Variants in MDM1 observed in about 807,000 individuals in gnomAD.
MDM1 encodes the protein Mdm1 nuclear protein.
In MDM1, 61 loss-of-function variants were observed where a neutral mutation model predicts 89.1. The ratio of observed to expected loss-of-function variants is 0.68; its 90% CI spans 0.56 to 0.85. MDM1 has a LOEUF of 0.85. Among genes scored for constraint, MDM1 ranks in the 40% least tolerant of loss-of-function variants. The pLI, the probability that MDM1 is intolerant of heterozygous loss-of-function variation, is 0.00. For missense variants in MDM1, 820 were observed against 846.5 expected (o/e 0.97, Z 0.39); for synonymous variants, 290 against 294.1 (o/e 0.99, Z 0.14).
At chr12:68,308,750 T>C (rs1873272038) in intron 12 of MDM1, among the ~76,000 whole-genome samples, 1 of 152,212 alleles carries the variant, frequency 6.6e-6, no homozygotes. Context: ...GCCTATTAAA[T>C]ATTGAATTGA....
At chr12:68,322,137 A>G (rs1040584982) in intron 5 of MDM1, among the ~76,000 whole-genome samples, 2 of 152,146 alleles carry the variant, frequency 1.3e-5, no homozygotes, top group African/African-American at 4.8e-5. Context: ...TATTTTTAGG[A>G]CCATAAAGTA....
chr12:68,316,452 T>C (rs1874521800), intron 8 of MDM1, 129 bp downstream of exon 8: 1 of 961,716 alleles, frequency 1.0e-6, no homozygotes. Context: ...GCAGTTATTT[T>C]ATTTCAGACC....
intron 13 of MDM1, among the ~76,000 whole-genome samples, chr12:68,301,508 G>C (rs528911913): frequency 6.6e-6 from 1 of 152,164 alleles, no homozygotes; most frequent in African/African-American, 2.4e-5. Flanking sequence ...TACACTGCTT[G>C]GGTAACAGGT....
rs773533782 is a variant in MDM1, at chr12:68,323,168, T to C, written c.706A>G (p.Arg236Gly). 3.7e-6 allele frequency: 6 copies of C among 1,610,824 alleles called. No individual in the cohort carries two copies. The highest frequency in any genetic ancestry group is 5.1e-6 in the Non-Finnish European group (6 of 1,178,972). Residue 236 changes from arginine to glycine, a missense_variant, in exon 5 of 15, where the codon AGA becomes GGA. Arg to Gly is a moderately radical substitution (Grantham distance 125). Transcript: ENST00000682720. ...NSVIHETEYK[R>G]NFKGLSPVKE... ...ACTGGAGATAAACCCTTGAAATTTC[T>C]TTTGTATTCAGTTTCATGGATGACT...
At chr12:68,325,794 T>C in intron 3 of MDM1, 1 of 1,184,984 alleles carries the variant, frequency 8.4e-7, no homozygotes, top group Non-Finnish European at 1.0e-6. Flanking sequence ...AAAATTCCTT[T>C]CTATCAAAGG....
chr12:68,318,429 A>C (rs990908060), intron 7 of MDM1, among the ~76,000 whole-genome samples: 2 of 152,216 alleles, frequency 1.3e-5, no homozygotes, highest in African/African-American at 2.4e-5. Flanking sequence ...CTTCATAAAA[A>C]TTCTGAAGAC....
rs574189071 is a variant in MDM1 at position 68,308,422 on chromosome 12, G to A, written c.1749+5021C>T. Among the ~76,000 whole-genome samples the A allele has an allele frequency of 2.3e-4, 35 of 152,164 alleles. No individual in the cohort carries two copies. The East Asian group carries it at 3.3e-3, about 14-fold the overall frequency. The stretch of plus-strand genomic sequence containing the variant: ...ATTACAGGCATGAGCCACTGCGCCC[G>A]GCCCCTGTTCTTTCTAATTGGAAAA... On this transcript the variant is annotated intron_variant, in intron 12 of 14. Coordinates refer to ENST00000682720, the MANE Select transcript of MDM1 (RefSeq NM_001354969.2).
At chr12:68,327,048 T>C in intron 2 of MDM1, 27 bp from the exon 3 acceptor site, 2 of 1,541,982 alleles carry the variant, frequency 1.3e-6, no homozygotes, top group Non-Finnish European at 8.7e-7. Context: ...ACAAAAATAG[T>C]AGCTACTAAA....
chr12:68,305,026 TTTTC>T lies in MDM1; in HGVS notation c.1750-2158_1750-2155del, dbSNP rs1592951287. 2.0e-5 allele frequency among the ~76,000 whole-genome samples: 3 copies of T among 152,212 alleles called. No individual in the cohort carries two copies. The East Asian group carries it at 5.8e-4, about 29-fold the overall frequency. On this transcript the variant is annotated intron_variant, in intron 12 of 14. Transcript: ENST00000682720. ...CTTCATCAGGAATATTGGTCTACAG[TTTTC>T]TTTTTTTGTTGTTGTGTCCTTGCCA...
At chr12:68,321,502 T>C (rs760824047) in intron 6 of MDM1, 23 bp downstream of exon 6, 51 of 1,608,512 alleles carry the variant, frequency 3.2e-5, no homozygotes, top group Middle Eastern at 1.7e-4. Context: ...TGAAATACCA[T>C]ATTTTCCTAT....
intron 1 of MDM1, 68 bp downstream of exon 1, chr12:68,332,160 C>T: frequency 6.6e-7 from 1 of 1,504,722 alleles, no homozygotes; most frequent in South Asian, 1.3e-5. Context: ...AGCGTGACCT[C>T]GGCGCTCCAC....
chr12:68,326,603 G>T (rs1876017704), intron 3 of MDM1, 54 bp downstream of exon 3: 2 of 1,613,864 alleles, frequency 1.2e-6, no homozygotes, highest in South Asian at 2.2e-5. Context: ...AAATGACAAT[G>T]AAACCAATGA....
chr12:68,326,126 G>A, intron 3 of MDM1: 1 of 1,011,752 alleles, frequency 9.9e-7, no homozygotes, highest in Non-Finnish European at 1.2e-6. Context: ...CCCCACACAA[G>A]TTCCTGCAGC....
intron 7 of MDM1, among the ~76,000 whole-genome samples, chr12:68,319,100 A>G (rs1874880621): frequency 1.3e-5 from 2 of 152,234 alleles, no homozygotes; most frequent in Non-Finnish European, 2.9e-5. Flanking sequence ...ACAATTAAGA[A>G]AAAAAGAAGT....
intron 12 of MDM1, among the ~76,000 whole-genome samples, chr12:68,311,469 C>T (rs1274760255): frequency 1.3e-5 from 2 of 152,154 alleles, no homozygotes; most frequent in Non-Finnish European, 2.9e-5. Context: ...AGAGGTCTTC[C>T]AAAAGCTGCC....
chr12:68,316,220 T>C lies in MDM1; in HGVS notation c.1069A>G (p.Arg357Gly). Residue 357 changes from arginine to glycine, a missense_variant, in exon 9 of 15, where the codon AGG (arginine) becomes GGG (glycine). Transcript: ENST00000682720. ...AAATGCGTCCCCTGAACTCGCTTCC[T>C]ATAAAACTCAGCCTTTTCTCGGAGT... ...KELREKAEFY[R>G]KRVQGTHFSR... The C allele has an allele frequency of 6.2e-7, 1 of 1,614,018 alleles. No individual in the cohort carries two copies. Among genetic ancestry groups the C allele is most frequent in the Admixed American group, 1.7e-5 (1 of 59,998 alleles).
chr12:68,315,990 T>C, intron 9 of MDM1, 88 bp downstream of exon 9: 1 of 1,081,486 alleles, frequency 9.2e-7, no homozygotes, highest in Non-Finnish European at 1.3e-6. Context: ...GAGACACATT[T>C]TGAGTAGTCA....
intron 2 of MDM1, among the ~76,000 whole-genome samples, chr12:68,329,709 G>C (rs903915440): frequency 4.6e-5 from 7 of 152,274 alleles, no homozygotes; most frequent in African/African-American, 1.7e-4. Flanking sequence ...TGGTGAATAA[G>C]ACAGAGCCCT....
intron 7 of MDM1, among the ~76,000 whole-genome samples, chr12:68,320,299 T>C (rs2121060366): frequency 6.6e-6 from 1 of 152,350 alleles, no homozygotes; most frequent in Non-Finnish European, 1.5e-5. Flanking sequence ...GGTGAATATA[T>C]GAACATTGCC....
Sources: gnomAD v4.1 joint callset for allele counts (sites outside exome capture counted in the v4.1 genomes callset) on GRCh38, gnomAD v4.1.1 for gene constraint, MANE v1.5 for transcripts, NCBI Gene and HGNC (gene_info 2026-07-23, HGNC 2026-07-21) for gene names.